Variants in L3MBTL4 observed in about 807,000 individuals in gnomAD.
The protein encoded by L3MBTL4 is lethal(3)malignant brain tumor-like protein 4.
In L3MBTL4, 70 loss-of-function variants were observed where a neutral mutation model predicts 84.5. The observed-to-expected ratio is 0.83, with a 90% CI of 0.68 to 1.01. L3MBTL4 has a LOEUF of 1.01. Among genes scored for constraint, L3MBTL4 ranks in the 50% least tolerant of loss-of-function variants. The probability of loss-of-function intolerance (pLI) is 0.00; values close to 1 mark genes in which losing one functional copy is unlikely to be tolerated. For missense variants in L3MBTL4, 715 were observed against 754.8 expected (o/e 0.95, Z 0.62); for synonymous variants, 274 against 259.8 (o/e 1.05, Z -0.52).
At chr18:6,252,463 A>G (rs1749093385) in intron 5 of L3MBTL4, among the ~76,000 whole-genome samples, 1 of 152,250 alleles carries the variant, frequency 6.6e-6, no homozygotes, top group Admixed American at 6.5e-5. Flanking sequence ...TGATTTACAT[A>G]TCTACATAGC....
chr18:6,317,821 A>G (rs2051186559), intron 1 of L3MBTL4, among the ~76,000 whole-genome samples: 1 of 152,186 alleles, frequency 6.6e-6, no homozygotes, highest in African/African-American at 2.4e-5. Context: ...TAAAGTCAAC[A>G]TGAAGGAAAG....
chr18:6,361,714 TGCA>T (rs2053701507), intron 1 of L3MBTL4, among the ~76,000 whole-genome samples: 4 of 152,206 alleles, frequency 2.6e-5, no homozygotes, highest in Non-Finnish European at 5.9e-5. Context: ...TTCAGCTGGC[TGCA>T]GTCCTATGCA....
chr18:6,358,918 A>G (rs2053560883), intron 1 of L3MBTL4, among the ~76,000 whole-genome samples: 1 of 152,204 alleles, frequency 6.6e-6, no homozygotes. Context: ...GCATTGTTCC[A>G]TATTCCAGTG....
At chr18:6,000,733 T>C (rs577794152) in intron 16 of L3MBTL4, among the ~76,000 whole-genome samples, 20 of 152,320 alleles carry the variant, frequency 1.3e-4, no homozygotes, top group African/African-American at 4.8e-4. Context: ...TGGAATGCAA[T>C]AACAAGACCT....
At chr18:5,984,006 G>A (rs2053355248) in intron 16 of L3MBTL4, among the ~76,000 whole-genome samples, 1 of 152,176 alleles carries the variant, frequency 6.6e-6, no homozygotes, top group Non-Finnish European at 1.5e-5. Context: ...CTGTCTGCTA[G>A]GTTCAAGCAA....
chr18:6,081,550 T>G (rs747206113), intron 15 of L3MBTL4, among the ~76,000 whole-genome samples: 12 of 152,234 alleles, frequency 7.9e-5, no homozygotes, highest in Non-Finnish European at 1.8e-4. Context: ...TAGTCAGTAA[T>G]TAATTTTAGG....
intron 10 of L3MBTL4, among the ~76,000 whole-genome samples, chr18:6,235,456 A>G (rs1568357598): frequency 6.6e-6 from 1 of 152,320 alleles, no homozygotes; most frequent in Middle Eastern, 3.4e-3. Context: ...CGATGGGTAA[A>G]CAAACTGTGG....
At chr18:6,270,322 A>T (rs1356963810) in intron 4 of L3MBTL4, among the ~76,000 whole-genome samples, 2 of 152,144 alleles carry the variant, frequency 1.3e-5, no homozygotes, top group Admixed American at 6.5e-5. Flanking sequence ...TCATTTCAGT[A>T]CTACCGAATT....
At chr18:6,291,087 C>T (rs534864591) in intron 4 of L3MBTL4, among the ~76,000 whole-genome samples, 26 of 152,294 alleles carry the variant, frequency 1.7e-4, no homozygotes, top group African/African-American at 5.5e-4. Flanking sequence ...ACATTTTTCA[C>T]GTTGTAGACA....
intron 10 of L3MBTL4, among the ~76,000 whole-genome samples, chr18:6,236,210 C>A (rs1847510538): frequency 6.6e-6 from 1 of 152,128 alleles, no homozygotes; most frequent in Non-Finnish European, 1.5e-5. Context: ...CTACAGTAAT[C>A]AAAGCATGAT....
At chr18:6,020,697 A>G (rs1370059918) in intron 16 of L3MBTL4, among the ~76,000 whole-genome samples, 1 of 152,162 alleles carries the variant, frequency 6.6e-6, no homozygotes, top group African/African-American at 2.4e-5. Flanking sequence ...CTAATTGGTT[A>G]TAGGTGATTT....
rs142589625 is a variant in L3MBTL4, at chr18:6,376,223, G to A, written c.-91+38578C>T. 2.9e-3 allele frequency among the ~76,000 whole-genome samples: 438 copies of A among 152,204 alleles called. 8 individuals carry two copies. The highest frequency in any genetic ancestry group is 9.9e-3 in the African/African-American group (413 of 41,514). ...ACTCACTGCAGCCCACCTGGAGCACGGCACCCAAATCCTTGCAGGGCTTCC... is the reference window on the plus strand; with the variant it reads ...ACTCACTGCAGCCCACCTGGAGCACAGCACCCAAATCCTTGCAGGGCTTCC... On this transcript the variant is annotated intron_variant, in intron 1 of 18. Transcript: ENST00000317931.
At chr18:6,214,297 T>C (rs771994300) in intron 11 of L3MBTL4, among the ~76,000 whole-genome samples, 4 of 152,014 alleles carry the variant, frequency 2.6e-5, no homozygotes, top group Non-Finnish European at 4.4e-5. Context: ...CAAGAGTCTA[T>C]AACCACAGAC....
At chr18:6,272,835 A>C (rs1347778683) in intron 4 of L3MBTL4, among the ~76,000 whole-genome samples, 1 of 112,288 alleles carries the variant, frequency 8.9e-6, no homozygotes, top group Non-Finnish European at 1.7e-5. Context: ...TGGTGGTTCT[A>C]CAGAGTGGTG....
intron 1 of L3MBTL4, among the ~76,000 whole-genome samples, chr18:6,361,616 A>G (rs1303371167): frequency 6.6e-6 from 1 of 152,198 alleles, no homozygotes; most frequent in Non-Finnish European, 1.5e-5. Flanking sequence ...GTGGAAATGG[A>G]GGAAACCAGA....
intron 16 of L3MBTL4, among the ~76,000 whole-genome samples, chr18:6,077,385 A>G (rs2057892108): frequency 6.6e-6 from 1 of 152,078 alleles, no homozygotes; most frequent in Non-Finnish European, 1.5e-5. Flanking sequence ...ATGTTTATAT[A>G]TTGTTGTTGT....
At chr18:6,242,154 A>G (rs1041503761) in intron 7 of L3MBTL4, among the ~76,000 whole-genome samples, 1 of 152,048 alleles carries the variant, frequency 6.6e-6, no homozygotes, top group Non-Finnish European at 1.5e-5. Flanking sequence ...GCCTGGGAAC[A>G]CCACCCTCTT....
intron 1 of L3MBTL4, among the ~76,000 whole-genome samples, chr18:6,389,160 G>T (rs144036453): frequency 6.6e-6 from 1 of 152,260 alleles, no homozygotes; most frequent in African/African-American, 2.4e-5. Flanking sequence ...TTAAACAGAA[G>T]AACTGTCAGC....
At chr18:6,198,904 G>T (rs948481002) in intron 12 of L3MBTL4, among the ~76,000 whole-genome samples, 1 of 152,104 alleles carries the variant, frequency 6.6e-6, no homozygotes, top group East Asian at 1.9e-4. Flanking sequence ...ATATTTTAGG[G>T]TAGAAATAGA....
Sources: gnomAD v4.1 joint callset for allele counts (sites outside exome capture counted in the v4.1 genomes callset) on GRCh38, gnomAD v4.1.1 for gene constraint, MANE v1.5 for transcripts, NCBI Gene and HGNC (gene_info 2026-07-23, HGNC 2026-07-21) for gene names.